Variants in AUTS2 observed in about 807,000 individuals in gnomAD.
AUTS2 encodes activator of transcription and developmental regulator AUTS2, also known as autism susceptibility gene 2 protein.
A neutral mutation model predicts 112.4 loss-of-function variants in AUTS2; 17 were observed. The ratio of observed to expected loss-of-function variants is 0.15; its 90% CI spans 0.10 to 0.23. The LOEUF is 0.23. AUTS2 is among the 10% of genes least tolerant of loss of function. The pLI, the probability that AUTS2 is intolerant of heterozygous loss-of-function variation, is 1.00. For missense variants in AUTS2, 1,510 were observed against 1,701.6 expected, an observed-to-expected ratio of 0.89 and a Z score of 1.98; for synonymous variants, 751 against 702.7, an observed-to-expected ratio of 1.07 and a Z score of -1.09.
At position 69,859,625 on chromosome 7, in the gene AUTS2, A is replaced by G. The variant is rs186529641; in HGVS notation, c.310-39661A>G. On this transcript the variant is annotated intron_variant, in intron 1 of 18. Transcript: ENST00000342771. Reference sequence around the variant, plus strand: ...TTTGTAGATTTAGGAGAATAAGAACATGTGACCATACCTGGTTAGCCATCT... The same window carrying G: ...TTTGTAGATTTAGGAGAATAAGAACGTGTGACCATACCTGGTTAGCCATCT... 5.1e-4 allele frequency among the ~76,000 whole-genome samples: 77 copies of G among 152,346 alleles called. 2 individuals carry two copies. The East Asian group carries it at 0.015, about 29-fold the overall frequency.
intron 5 of AUTS2, among the ~76,000 whole-genome samples, chr7:70,517,743 A>G (rs1275557054): frequency 1.3e-5 from 2 of 151,484 alleles, no homozygotes; most frequent in African/African-American, 4.8e-5. Flanking sequence ...ATATGAATAC[A>G]CACACACACG....
At chr7:70,356,789 G>A (rs1449718915) in intron 4 of AUTS2, among the ~76,000 whole-genome samples, 2 of 151,608 alleles carry the variant, frequency 1.3e-5, no homozygotes, top group Non-Finnish European at 2.9e-5. Context: ...AAATGCATCA[G>A]TGGAGACTTT....
At chr7:70,306,973 C>T (rs1348093401) in intron 4 of AUTS2, among the ~76,000 whole-genome samples, 1 of 151,478 alleles carries the variant, frequency 6.6e-6, no homozygotes, top group African/African-American at 2.4e-5. Flanking sequence ...ACTGAAAGAT[C>T]GAAAAAGAAA....
chr7:70,327,134 T>C lies in AUTS2; in HGVS notation c.661-108618T>C, dbSNP rs944798317. Among the ~76,000 whole-genome samples, 16 of 152,074 alleles carry C rather than the reference T, an allele frequency of 1.1e-4. 1 individual carries two copies. Among genetic ancestry groups the C allele is most frequent in the Non-Finnish European group, 2.2e-4 (15 of 68,026 alleles). On this transcript the variant is annotated intron_variant, in intron 4 of 18. Coordinates refer to ENST00000342771, the MANE Select transcript of AUTS2 (RefSeq NM_015570.4). Reference sequence around the variant, plus strand: ...CATTTTGCCATGTTTGCCAGGCTGGTCTCAAACTCCTGACCTCAGGTGATC... The same window carrying C: ...CATTTTGCCATGTTTGCCAGGCTGGCCTCAAACTCCTGACCTCAGGTGATC...
chr7:70,071,484 T>C (rs1380784046), intron 2 of AUTS2, among the ~76,000 whole-genome samples: 1 of 152,182 alleles, frequency 6.6e-6, no homozygotes, highest in African/African-American at 2.4e-5. Flanking sequence ...GTTCCCCCTC[T>C]CCTCTCCCAC....
chr7:70,361,685 G>C (rs574763628), intron 4 of AUTS2, among the ~76,000 whole-genome samples: 1 of 152,240 alleles, frequency 6.6e-6, no homozygotes, highest in East Asian at 1.9e-4. Flanking sequence ...ACAAGGGTAG[G>C]ATGAACAGAA....
intron 1 of AUTS2, among the ~76,000 whole-genome samples, chr7:69,724,033 G>T (rs1302766345): frequency 1.3e-5 from 2 of 152,130 alleles, no homozygotes; most frequent in South Asian, 2.1e-4. Flanking sequence ...ATTCTAGCAA[G>T]CAGGAGGGGG....
At chr7:69,996,945 T>TCAAAAAAAAAAA (rs1798970092) in intron 2 of AUTS2, among the ~76,000 whole-genome samples, 1 of 65,088 alleles carries the variant, frequency 1.5e-5, no homozygotes, top group Non-Finnish European at 3.1e-5. Context: ...CCTGGAACAC[T>TCAAAAAAAAAAA]TAAAAAAAAA....
chr7:69,621,254 T>C (rs571627571), intron 1 of AUTS2, among the ~76,000 whole-genome samples: 1 of 152,228 alleles, frequency 6.6e-6, no homozygotes, highest in South Asian at 2.1e-4. Context: ...GTGGAGCCTA[T>C]ACATTCTGGC....
chr7:70,629,513 A>T (rs1374149400), intron 5 of AUTS2, among the ~76,000 whole-genome samples: 1 of 151,602 alleles, frequency 6.6e-6, no homozygotes, highest in Non-Finnish European at 1.5e-5. Flanking sequence ...GCTAAAAGCC[A>T]GCCCTTCTGT....
chr7:69,723,055 A>T (rs1373308288), intron 1 of AUTS2, among the ~76,000 whole-genome samples: 1 of 152,110 alleles, frequency 6.6e-6, no homozygotes, highest in Non-Finnish European at 1.5e-5. Flanking sequence ...GGATTGAGTC[A>T]TGTTGTACGT....
intron 1 of AUTS2, among the ~76,000 whole-genome samples, chr7:69,789,992 G>A (rs1789545023): frequency 6.6e-6 from 1 of 152,010 alleles, no homozygotes; most frequent in East Asian, 1.9e-4. Context: ...TGAAACATCA[G>A]AGAATTGGCT....
In AUTS2 at chr7:69,599,326, A is replaced by G; in HGVS notation, c.-328A>G. ...GGTGAGTTATTTTTTTTTCCTCTAA[A>G]GGAGACCTGTGTGTTCAGCCATTAC... On this transcript the variant is annotated 5_prime_UTR_variant, in exon 1 of 19. Transcript: ENST00000342771. The surrounding 1 kb of genome is among the most constrained non-coding windows in gnomAD (Gnocchi z 7.0). 1 of 263,900 alleles carries G rather than the reference A, an allele frequency of 3.8e-6. No individual in the cohort carries two copies. Among genetic ancestry groups the G allele is most frequent in the Non-Finnish European group, 7.1e-6 (1 of 139,918 alleles). 16.3% of individuals were successfully genotyped at this position (263,900 alleles called of 1,614,324 possible).
chr7:70,457,905 CAG>C (rs1308601618), intron 5 of AUTS2, among the ~76,000 whole-genome samples: 5 of 152,144 alleles, frequency 3.3e-5, no homozygotes, highest in Non-Finnish European at 7.3e-5. Flanking sequence ...TGGTGGGGAA[CAG>C]AGGGTTTTGC....
chr7:70,185,471 C>T (rs2129581659), intron 4 of AUTS2, among the ~76,000 whole-genome samples: 1 of 152,006 alleles, frequency 6.6e-6, no homozygotes, highest in Non-Finnish European at 1.5e-5. Flanking sequence ...TGAGGCCTTT[C>T]CCAGTTTGTG....
In AUTS2 at chr7:70,791,017, C is replaced by A; in HGVS notation, c.*21C>A. On this transcript the variant is annotated 3_prime_UTR_variant, in exon 19 of 19. Transcript: ENST00000342771. ...GATAAGCCGAGAACAGGAGCAAGAA[C>A]GAGGAAGAAGAAACCCTAGGCAGAC... 1 of 1,473,334 alleles carries A rather than the reference C, an allele frequency of 6.8e-7. No homozygotes were observed. The highest frequency in any genetic ancestry group is 9.0e-7 in the Non-Finnish European group (1 of 1,115,092). 91.3% of individuals were successfully genotyped at this position (1,473,334 alleles called of 1,614,324 possible).
At chr7:70,024,760 T>C (rs1800437774) in intron 2 of AUTS2, among the ~76,000 whole-genome samples, 1 of 152,188 alleles carries the variant, frequency 6.6e-6, no homozygotes, top group African/African-American at 2.4e-5. Flanking sequence ...GCAAGAGTTA[T>C]TGCAGTCTTG....
At chr7:70,016,668 A>AT (rs1011719036) in intron 2 of AUTS2, among the ~76,000 whole-genome samples, 2,261 of 140,758 alleles carry the variant, frequency 0.016, 36 homozygotes, top group African/African-American at 0.035. Context: ...GCCTTGACAG[A>AT]TTTTTTTTTT....
intron 2 of AUTS2, among the ~76,000 whole-genome samples, chr7:70,019,125 A>G (rs1800161268): frequency 6.6e-6 from 1 of 152,224 alleles, no homozygotes; most frequent in African/African-American, 2.4e-5. Flanking sequence ...CATGGATAGG[A>G]GCTGTAGGCT....
Sources: allele counts gnomAD v4.1 joint callset (sites outside exome capture counted in the v4.1 genomes callset), GRCh38; gene constraint gnomAD v4.1.1; non-coding constraint Gnocchi (gnomAD v3.1); transcripts MANE v1.5; gene names NCBI Gene and HGNC (gene_info 2026-07-23, HGNC 2026-07-21).